The following NUBPL variants were observed in gnomAD, a reference collection of about 807,000 sequenced individuals.
NUBPL encodes the protein iron-sulfur cluster transfer protein NUBPL.
In NUBPL, 31 loss-of-function variants were observed where a neutral mutation model predicts 45.7. That is an observed-to-expected ratio of 0.68 (90% CI 0.51 to 0.92). The LOEUF is 0.92. NUBPL is among the 40% of genes least tolerant of loss of function. The probability of loss-of-function intolerance (pLI) is 0.00; values close to 1 mark genes in which losing one functional copy is unlikely to be tolerated. For synonymous variants in NUBPL, 144 were observed against 140.9 expected, an observed-to-expected ratio of 1.02 and a Z score of -0.15; for missense variants, 401 against 398.7, an observed-to-expected ratio of 1.01 and a Z score of -0.05.
At chr14:31,632,203 G>T (rs867596475) in intron 4 of NUBPL, among the ~76,000 whole-genome samples, 4 of 151,306 alleles carry the variant, frequency 2.6e-5, no homozygotes, top group Non-Finnish European at 5.9e-5. Flanking sequence ...AGATAGGATA[G>T]TAACTGATGA....
chr14:31,634,408 G>A (rs544453912), intron 4 of NUBPL, among the ~76,000 whole-genome samples: 152 of 151,832 alleles, frequency 1.0e-3, no homozygotes, highest in African/African-American at 3.3e-3. Flanking sequence ...TCCCTACAAA[G>A]GACATGAACT....
At chr14:31,720,864 T>A (rs1290052776) in intron 6 of NUBPL, among the ~76,000 whole-genome samples, 1 of 152,216 alleles carries the variant, frequency 6.6e-6, no homozygotes, top group Non-Finnish European at 1.5e-5. Context: ...AGCACTGCTA[T>A]AAAGTCTTTT....
chr14:31,561,704 G>T, intron 1 of NUBPL, 157 bp downstream of exon 1: 2 of 563,602 alleles, frequency 3.5e-6, no homozygotes, highest in Non-Finnish European at 3.0e-6. Flanking sequence ...CCAGGCTGAG[G>T]CGTGGCGGGA....
rs113285738 is a variant in NUBPL, at chr14:31,703,570, A to C, written c.513+29996A>C. On this transcript the variant is annotated intron_variant, in intron 6 of 10. Transcript: ENST00000281081. ...GAGGAGCAAGTTACCTCTTACATGG[A>C]TGGCCGCAGACAGAGAGCTTGTGCA... 8.9e-3 allele frequency among the ~76,000 whole-genome samples: 1,349 copies of C among 152,302 alleles called. 10 individuals are homozygous for C. Among genetic ancestry groups the C allele is most frequent in the Non-Finnish European group, 0.013 (891 of 68,020 alleles).
chr14:31,841,660 G>A (rs568805545), intron 8 of NUBPL, among the ~76,000 whole-genome samples: 1 of 152,004 alleles, frequency 6.6e-6, no homozygotes, highest in African/African-American at 2.4e-5. Context: ...AATTTCATTT[G>A]TGTCTAGTGT....
chr14:31,571,925 A>G (rs2033595738), intron 3 of NUBPL, among the ~76,000 whole-genome samples: 1 of 152,138 alleles, frequency 6.6e-6, no homozygotes, highest in Non-Finnish European at 1.5e-5. Context: ...TCTTCATGAC[A>G]TGGTTCTTAG....
At chr14:31,598,068 T>G (rs906078762) in intron 3 of NUBPL, among the ~76,000 whole-genome samples, 3 of 152,188 alleles carry the variant, frequency 2.0e-5, no homozygotes, top group Non-Finnish European at 4.4e-5. Flanking sequence ...TCAAGTATCC[T>G]TCCTATTTTT....
chr14:31,651,560 C>G (rs572313191), intron 4 of NUBPL, among the ~76,000 whole-genome samples: 1 of 151,984 alleles, frequency 6.6e-6, no homozygotes, highest in South Asian at 2.1e-4. Flanking sequence ...GGTTAATATC[C>G]AAAATATTTA....
At chr14:31,724,827 T>A (rs751085680) in intron 6 of NUBPL, among the ~76,000 whole-genome samples, 1 of 152,080 alleles carries the variant, frequency 6.6e-6, no homozygotes, top group Non-Finnish European at 1.5e-5. Flanking sequence ...TAATGATCCA[T>A]GCTTTGGAAA....
At chr14:31,595,742 G>A (rs1350309280) in intron 3 of NUBPL, among the ~76,000 whole-genome samples, 1 of 152,062 alleles carries the variant, frequency 6.6e-6, no homozygotes, top group African/African-American at 2.4e-5. Context: ...AACAAATGAA[G>A]TTTATTTGGC....
chr14:31,812,836 A>C (rs1396418841), intron 7 of NUBPL, among the ~76,000 whole-genome samples: 1 of 152,138 alleles, frequency 6.6e-6, no homozygotes, highest in African/African-American at 2.4e-5. Flanking sequence ...AAGGAGAATG[A>C]AGACAGACAG....
intron 6 of NUBPL, among the ~76,000 whole-genome samples, chr14:31,738,100 A>C (rs1314638630): frequency 6.6e-6 from 1 of 152,194 alleles, no homozygotes; most frequent in Non-Finnish European, 1.5e-5. Flanking sequence ...CTTTTAAAAT[A>C]GTGGTTGTCA....
At chr14:31,617,808 A>G (rs1487292660) in intron 4 of NUBPL, among the ~76,000 whole-genome samples, 2 of 152,142 alleles carry the variant, frequency 1.3e-5, no homozygotes, top group Non-Finnish European at 2.9e-5. Context: ...ATTAGGGAGG[A>G]GTCCCTCTTT....
At chr14:31,661,497 A>G (rs1004541192) in intron 4 of NUBPL, among the ~76,000 whole-genome samples, 9 of 152,170 alleles carry the variant, frequency 5.9e-5, no homozygotes, top group African/African-American at 2.2e-4. Flanking sequence ...TTCTTAATTA[A>G]CTAAAAAATA....
intron 6 of NUBPL, among the ~76,000 whole-genome samples, chr14:31,747,281 G>A (rs1046474557): frequency 9.9e-5 from 15 of 151,540 alleles, no homozygotes; most frequent in East Asian, 7.8e-4. Flanking sequence ...GACTACAGGC[G>A]CCTGCCACCA....
At chr14:31,567,918 A>T (rs1393108495) in intron 3 of NUBPL, among the ~76,000 whole-genome samples, 1 of 152,232 alleles carries the variant, frequency 6.6e-6, no homozygotes, top group Admixed American at 6.5e-5. Context: ...GCCAAAGTTA[A>T]GAACCATGGA....
chr14:31,783,664 C>G (rs901161157), intron 6 of NUBPL, among the ~76,000 whole-genome samples: 10 of 151,930 alleles, frequency 6.6e-5, no homozygotes, highest in Non-Finnish European at 1.5e-4. Flanking sequence ...ACTACAGACA[C>G]CCACCACCAG....
chr14:31,700,220 C>T (rs1316428380), intron 6 of NUBPL, among the ~76,000 whole-genome samples: 3 of 152,178 alleles, frequency 2.0e-5, no homozygotes, highest in African/African-American at 7.2e-5. Context: ...AGTTTCTGTC[C>T]AGCGACACAG....
chr14:31,842,592 T>A (rs1198527803), intron 8 of NUBPL, among the ~76,000 whole-genome samples: 1 of 152,080 alleles, frequency 6.6e-6, no homozygotes. Context: ...ATTCTCCCAC[T>A]TCAGCTTCCT....
Sources: gnomAD v4.1 joint callset for allele counts (sites outside exome capture counted in the v4.1 genomes callset) on GRCh38, gnomAD v4.1.1 for gene constraint, MANE v1.5 for transcripts, NCBI Gene and HGNC (gene_info 2026-07-23, HGNC 2026-07-21) for gene names.